The following FNIP2 variants were observed in gnomAD, a reference collection of about 807,000 sequenced individuals.
FNIP2 encodes the protein folliculin-interacting protein 2.
In FNIP2, 32 loss-of-function variants were observed where a neutral mutation model predicts 108.7. That is an observed-to-expected ratio of 0.29 (90% CI 0.22 to 0.40). The LOEUF (loss-of-function observed/expected upper bound fraction) is 0.40, where lower values mean the gene tolerates loss of function less well. Ranked by LOEUF, FNIP2 falls within the 10% of genes least tolerant of loss-of-function variation. The pLI, the probability that FNIP2 is intolerant of heterozygous loss-of-function variation, is 1.00. For missense variants in FNIP2, 1,202 were observed against 1,381.6 expected (o/e 0.87, Z 2.06); for synonymous variants, 480 against 496.7 (o/e 0.97, Z 0.45).
intron 7 of FNIP2, among the ~76,000 whole-genome samples, chr4:158,842,676 T>C (rs1263515127): frequency 6.6e-6 from 1 of 152,164 alleles, no homozygotes; most frequent in Admixed American, 6.5e-5. Flanking sequence ...ACTGCACTTG[T>C]ACCCCTTATA....
At chr4:158,798,101 GTCAC>G (rs1776646850) in intron 1 of FNIP2, among the ~76,000 whole-genome samples, 1 of 152,068 alleles carries the variant, frequency 6.6e-6, no homozygotes, top group Non-Finnish European at 1.5e-5. Flanking sequence ...GTCTTGCCCT[GTCAC>G]TCAAGCCAAA....
At chr4:158,782,430 C>T (rs1410514153) in intron 1 of FNIP2, among the ~76,000 whole-genome samples, 1 of 152,152 alleles carries the variant, frequency 6.6e-6, no homozygotes, top group African/African-American at 2.4e-5. Flanking sequence ...TTTAAGCTTT[C>T]CCTCCAGCCT....
In FNIP2 at chr4:158,904,582, A is replaced by T; in HGVS notation, c.*38A>T. On this transcript the variant is annotated 3_prime_UTR_variant, in exon 17 of 17. Coordinates refer to ENST00000264433, the MANE Select transcript of FNIP2 (RefSeq NM_020840.3). ...GACAGTTCTTCCTTGGAAGAAAAAA[A>T]TCAAATTCTCAACTGAAGGAGAAAG... is the stretch of plus-strand genomic sequence containing the variant. The T allele has an allele frequency of 1.9e-6, 3 of 1,556,456 alleles. No homozygotes were observed. Among genetic ancestry groups the T allele is most frequent in the Non-Finnish European group, 2.6e-6 (3 of 1,132,808 alleles).
intron 14 of FNIP2, chr4:158,890,078 A>G (rs1250645079): frequency 2.0e-6 from 2 of 985,298 alleles, no homozygotes; most frequent in Non-Finnish European, 2.4e-6. Context: ...TAACAATTCT[A>G]CAAAATGAGA....
chr4:158,881,383 C>T (rs1334177861), intron 14 of FNIP2, among the ~76,000 whole-genome samples: 1 of 141,208 alleles, frequency 7.1e-6, no homozygotes, highest in Non-Finnish European at 1.5e-5. Context: ...CACGGTCTCC[C>T]TCTCCCTCTC....
At position 158,807,564 on chromosome 4, in the gene FNIP2, T is replaced by C. The variant is rs1187611980; in HGVS notation, c.108-18352T>C. Among the ~76,000 whole-genome samples, 6 of 152,306 alleles carry C rather than the reference T, an allele frequency of 3.9e-5. No individual in the cohort carries two copies. The East Asian group carries it at 1.2e-3, about 29-fold the overall frequency. On this transcript the variant is annotated intron_variant, in intron 1 of 16. Coordinates refer to ENST00000264433, the MANE Select transcript of FNIP2 (RefSeq NM_020840.3). Reference sequence around the variant, plus strand: ...ACATTTTTTTCTTACAGAAATTTTCTCAAAATTAACATATCTCATCAACTT... The same window carrying C: ...ACATTTTTTTCTTACAGAAATTTTCCCAAAATTAACATATCTCATCAACTT...
At chr4:158,894,500 G>A (rs1477534149) in intron 15 of FNIP2, among the ~76,000 whole-genome samples, 2 of 152,024 alleles carry the variant, frequency 1.3e-5, no homozygotes, top group African/African-American at 2.4e-5. Flanking sequence ...TTGATTTCAC[G>A]TCTAGTATAT....
At chr4:158,856,401 A>G (rs1340124745) in intron 8 of FNIP2, among the ~76,000 whole-genome samples, 1 of 152,206 alleles carries the variant, frequency 6.6e-6, no homozygotes, top group Admixed American at 6.5e-5. Context: ...TGCTTTAATT[A>G]TTTATGATCT....
chr4:158,853,822 C>T (rs1438821619), intron 8 of FNIP2, among the ~76,000 whole-genome samples: 2 of 152,286 alleles, frequency 1.3e-5, no homozygotes, highest in South Asian at 4.1e-4. Flanking sequence ...TTTATACAAG[C>T]TTATTTTAAT....
chr4:158,867,808 T>C (rs906984400), intron 12 of FNIP2, among the ~76,000 whole-genome samples: 1 of 152,204 alleles, frequency 6.6e-6, no homozygotes, highest in African/African-American at 2.4e-5. Context: ...GGCCATCTCA[T>C]TGGCTGACCC....
intron 5 of FNIP2, among the ~76,000 whole-genome samples, chr4:158,832,738 G>T (rs1778553081): frequency 6.6e-6 from 1 of 152,074 alleles, no homozygotes; most frequent in African/African-American, 2.4e-5. Flanking sequence ...ATTTAACATT[G>T]GAATGTCATG....
intron 2 of FNIP2, among the ~76,000 whole-genome samples, chr4:158,826,831 A>G (rs1187502989): frequency 6.6e-6 from 1 of 152,178 alleles, no homozygotes; most frequent in African/African-American, 2.4e-5. Context: ...ATTTGTTCAG[A>G]TGCCTACAAA....
rs781463067 is a variant in FNIP2, at chr4:158,769,179, C to G, written c.-34C>G. On this transcript the variant is annotated 5_prime_UTR_variant, in exon 1 of 17. Coordinates refer to ENST00000264433, the MANE Select transcript of FNIP2 (RefSeq NM_020840.3). ...GCTGCGCGCTGAGCCGCCGGCCCCCCGAGCGCCACGGCCGGAGCTGCGGCG... is the reference window on the plus strand; with the variant it reads ...GCTGCGCGCTGAGCCGCCGGCCCCCGGAGCGCCACGGCCGGAGCTGCGGCG... 5 of 1,205,158 alleles carry G rather than the reference C, an allele frequency of 4.1e-6. No homozygotes were observed. The highest frequency in any genetic ancestry group is 3.2e-6 in the Non-Finnish European group (3 of 943,904). 74.7% of individuals were successfully genotyped at this position (1,205,158 alleles called of 1,614,324 possible). A position where few individuals can be genotyped will look rare whatever the true frequency, so the allele number is the denominator to read the frequency against.
chr4:158,821,661 A>G (rs1214355710), intron 1 of FNIP2, among the ~76,000 whole-genome samples: 1 of 152,202 alleles, frequency 6.6e-6, no homozygotes, highest in Non-Finnish European at 1.5e-5. Flanking sequence ...CAGGACCTAT[A>G]AGTACTCCTA....
chr4:158,879,046 A>G (rs1781440352), intron 14 of FNIP2, among the ~76,000 whole-genome samples: 1 of 150,330 alleles, frequency 6.7e-6, no homozygotes, highest in Non-Finnish European at 1.5e-5. Flanking sequence ...TCAAAGAGCA[A>G]GTAAAAGATG....
chr4:158,824,744 C>T (rs777788767), intron 1 of FNIP2, among the ~76,000 whole-genome samples: 2 of 152,160 alleles, frequency 1.3e-5, no homozygotes, highest in Non-Finnish European at 2.9e-5. Context: ...ATCCTGGCCC[C>T]TGCCTGCCGT....
chr4:158,888,875 CAA>C (rs199499786), intron 14 of FNIP2, among the ~76,000 whole-genome samples: 25 of 100,662 alleles, frequency 2.5e-4, no homozygotes, highest in Admixed American at 6.5e-4. Context: ...AAGACTGTCT[CAA>C]AAAAAAAAAA....
At chr4:158,861,582 T>A in intron 11 of FNIP2, 25 bp from the exon 12 acceptor site, 2 of 1,613,960 alleles carry the variant, frequency 1.2e-6, no homozygotes, top group African/African-American at 1.3e-5. Context: ...ACTAAGTTGG[T>A]TGTATCTTTT....
At chr4:158,851,737 TG>T (rs1485128859) in intron 8 of FNIP2, among the ~76,000 whole-genome samples, 14 of 152,328 alleles carry the variant, frequency 9.2e-5, no homozygotes, top group African/African-American at 3.4e-4. Context: ...CTCTTTAAAA[TG>T]AGTCCCTTCC....
Sources: allele counts gnomAD v4.1 joint callset (sites outside exome capture counted in the v4.1 genomes callset), GRCh38; gene constraint gnomAD v4.1.1; transcripts MANE v1.5; gene names NCBI Gene and HGNC (gene_info 2026-07-23, HGNC 2026-07-21).